SNTG2: variants seen among roughly 807,000 people sequenced by gnomAD.
SNTG2 encodes the protein syntrophin gamma 2.
In SNTG2, 74 loss-of-function variants were observed where a neutral mutation model predicts 70.9. The ratio of observed to expected loss-of-function variants is 1.04; its 90% CI spans 0.86 to 1.27. The LOEUF is 1.27. Among genes scored for constraint, SNTG2 ranks in the 50% most tolerant of loss-of-function variants. The pLI is 0.00. For synonymous variants in SNTG2, 278 were observed against 273.8 expected (o/e 1.02, Z -0.15); for missense variants, 717 against 690.7 (o/e 1.04, Z -0.43).
intron 4 of SNTG2, among the ~76,000 whole-genome samples, chr2:1,114,527 C>A: frequency 6.7e-6 from 1 of 148,782 alleles, no homozygotes. Context: ...AGGTTTCACC[C>A]TTACAGTCCT....
At chr2:1,032,561 T>A (rs1660899223) in intron 1 of SNTG2, among the ~76,000 whole-genome samples, 3 of 152,202 alleles carry the variant, frequency 2.0e-5, no homozygotes, top group Admixed American at 1.3e-4. Context: ...TGATAAGATA[T>A]CCTTTATGCC....
chr2:1,182,785 C>T (rs1283739687), intron 8 of SNTG2, among the ~76,000 whole-genome samples: 2 of 152,132 alleles, frequency 1.3e-5, no homozygotes, highest in African/African-American at 4.8e-5. Context: ...CAGGGTCTCC[C>T]ACTGTTTCCC....
At chr2:1,259,347 G>A (rs1678292419) in intron 12 of SNTG2, 23 bp from the exon 13 acceptor site, 1 of 1,612,578 alleles carries the variant, frequency 6.2e-7, no homozygotes, top group African/African-American at 1.3e-5. Context: ...TGCTTTTCAT[G>A]GAACGTTCTC....
intron 4 of SNTG2, among the ~76,000 whole-genome samples, chr2:1,106,388 G>A (rs1324170127): frequency 1.7e-5 from 2 of 117,346 alleles, no homozygotes; most frequent in East Asian, 2.5e-4. Flanking sequence ...TAGTGGATGC[G>A]TGCTGTCACT....
At chr2:1,312,208 A>G (rs1681028627) in intron 15 of SNTG2, among the ~76,000 whole-genome samples, 1 of 149,030 alleles carries the variant, frequency 6.7e-6, no homozygotes, top group African/African-American at 2.5e-5. Context: ...AAATCTCTCG[A>G]TGCAAAGTTT....
chr2:1,069,620 G>C (rs1320180755), intron 1 of SNTG2, among the ~76,000 whole-genome samples: 3 of 151,904 alleles, frequency 2.0e-5, no homozygotes, highest in Non-Finnish European at 4.4e-5. Context: ...GTGAAACCCT[G>C]TCTGTACTAA....
chr2:1,071,506 TG>T (rs1663547760), intron 1 of SNTG2, among the ~76,000 whole-genome samples: 1 of 57,812 alleles, frequency 1.7e-5, no homozygotes, highest in Non-Finnish European at 3.1e-5. Context: ...TGTGGTGGGG[TG>T]GGGGGAGGGG....
At chr2:1,144,161 C>T (rs1668947987) in intron 6 of SNTG2, among the ~76,000 whole-genome samples, 4 of 152,074 alleles carry the variant, frequency 2.6e-5, no homozygotes, top group Non-Finnish European at 4.4e-5. Flanking sequence ...CAAACTCTCA[C>T]CCCGAGACAT....
chr2:1,038,652 T>C (rs1661265738), intron 1 of SNTG2, among the ~76,000 whole-genome samples: 1 of 152,234 alleles, frequency 6.6e-6, no homozygotes, highest in Non-Finnish European at 1.5e-5. Context: ...AGAACTTGCT[T>C]ATAAAATAGT....
intron 16 of SNTG2, among the ~76,000 whole-genome samples, chr2:1,363,047 G>A (rs1276768398): frequency 1.3e-5 from 2 of 152,132 alleles, no homozygotes; most frequent in South Asian, 2.1e-4. Flanking sequence ...GAAAGTCACC[G>A]ATGCTGAGCA....
intron 6 of SNTG2, 84 bp from the exon 7 acceptor site, chr2:1,165,464 G>T: frequency 7.9e-7 from 1 of 1,260,426 alleles, no homozygotes. Context: ...TTGGGAAACA[G>T]GAGAGGTAGA....
chr2:1,095,429 A>G (rs1665329718), intron 2 of SNTG2, among the ~76,000 whole-genome samples: 1 of 152,194 alleles, frequency 6.6e-6, no homozygotes, highest in Non-Finnish European at 1.5e-5. Flanking sequence ...TATGAAATAA[A>G]TATTATTCTG....
At chr2:1,099,758 T>A (rs193255135) in intron 4 of SNTG2, among the ~76,000 whole-genome samples, 1 of 149,750 alleles carries the variant, frequency 6.7e-6, no homozygotes, top group East Asian at 2.0e-4. Context: ...ATTGCCCCAG[T>A]GGGATTTGGA....
At chr2:1,255,990 A>G (rs951920693) in intron 12 of SNTG2, among the ~76,000 whole-genome samples, 1 of 148,260 alleles carries the variant, frequency 6.7e-6, no homozygotes, top group African/African-American at 2.5e-5. Flanking sequence ...ATAGCCACGC[A>G]TTGCTTAAGG....
chr2:1,043,963 G>A (rs1164517427), intron 1 of SNTG2, among the ~76,000 whole-genome samples: 3 of 152,166 alleles, frequency 2.0e-5, no homozygotes, highest in Non-Finnish European at 4.4e-5. Flanking sequence ...TTGGTAGTTT[G>A]ATGGGAATAA....
chr2:1,204,952 A>G (rs533156171), intron 8 of SNTG2, among the ~76,000 whole-genome samples: 7 of 152,324 alleles, frequency 4.6e-5, no homozygotes, highest in African/African-American at 1.7e-4. Context: ...GTGATCTAAA[A>G]ATATTATTTT....
intron 1 of SNTG2, among the ~76,000 whole-genome samples, chr2:983,303 A>G (rs1307283322): frequency 9.3e-6 from 1 of 107,046 alleles, no homozygotes. Context: ...GAAGCTGCGG[A>G]GGTGGTGGTC....
Position 1,021,084 on chromosome 2 carries a change from C to T in SNTG2, c.73-62434C>T, listed in dbSNP as rs189192705. On this transcript the variant is annotated intron_variant, in intron 1 of 16. Coordinates refer to ENST00000308624, the MANE Select transcript of SNTG2 (RefSeq NM_018968.4). ...GAATGATTAATTCTCTCTTGAATCGCCAATTTTCACAGTAAGGAATCGTGT... is the reference window on the plus strand; with the variant it reads ...GAATGATTAATTCTCTCTTGAATCGTCAATTTTCACAGTAAGGAATCGTGT... Among the ~76,000 whole-genome samples the T allele has an allele frequency of 3.8e-3, 576 of 152,168 alleles. 3 individuals carry two copies. The highest frequency in any genetic ancestry group is 8.6e-3 in the Admixed American group (131 of 15,288).
At chr2:1,366,673 C>T (rs981815511) in intron 16 of SNTG2, among the ~76,000 whole-genome samples, 17 of 152,180 alleles carry the variant, frequency 1.1e-4, no homozygotes, top group Admixed American at 4.6e-4. Context: ...CGCTTCCCGC[C>T]GTGCTGTGCA....
Sources: allele counts gnomAD v4.1 joint callset (sites outside exome capture counted in the v4.1 genomes callset), GRCh38; gene constraint gnomAD v4.1.1; transcripts MANE v1.5; gene names NCBI Gene and HGNC (gene_info 2026-07-23, HGNC 2026-07-21).